Variants in DYNC2I2 observed in about 807,000 individuals in gnomAD.
DYNC2I2 encodes dynein 2 intermediate chain 2.
In DYNC2I2, 39 loss-of-function variants were observed where a neutral mutation model predicts 52.0. That is an observed-to-expected ratio of 0.75 (90% CI 0.58 to 0.98). The LOEUF (loss-of-function observed/expected upper bound fraction) is 0.98. Ranked by LOEUF, DYNC2I2 falls within the 50% of genes least tolerant of loss-of-function variation. The pLI is 0.00. For missense variants in DYNC2I2, 743 were observed against 728.4 expected, an observed-to-expected ratio of 1.02 and a Z score of -0.23; for synonymous variants, 359 against 321.1, an observed-to-expected ratio of 1.12 and a Z score of -1.26.
chr9:128,636,417 G>C lies in DYNC2I2; in HGVS notation c.567C>G (p.Ser189Arg). The change falls in exon 4 of 9, where the codon AGC (serine) becomes AGG (arginine). Residue 189 changes from serine (S) to arginine (R), a missense_variant. By Grantham distance (110) the Ser-to-Arg change is moderately radical. Coordinates refer to ENST00000372715, the MANE Select transcript of DYNC2I2 (RefSeq NM_052844.4). The stretch of plus-strand genomic sequence containing the variant: ...AGGCACACACGAAGGACTTAAGCGT[G>C]CTCCAGTCCCCATGGTCCAGCCTGT... ...AYGRLDHGDWSTLKSFVCAWN... is the reference protein window; with the variant it reads ...AYGRLDHGDWRTLKSFVCAWN... 1 of 1,607,848 alleles carries C rather than the reference G, an allele frequency of 6.2e-7. No homozygotes were observed. Among genetic ancestry groups the C allele is most frequent in the Non-Finnish European group, 8.5e-7 (1 of 1,178,672 alleles).
In DYNC2I2 at chr9:128,648,779, G is replaced by A. The variant is rs1017262667; in HGVS notation, c.186+7762C>T. ...CGTGCCACTGCACTACAGCCTGGGC[G>A]ACGGAGGGAGACTCCGTTTCAAAAA... is the stretch of plus-strand genomic sequence containing the variant. On this transcript the variant is annotated intron_variant, in intron 1 of 8. Coordinates refer to ENST00000372715, the MANE Select transcript of DYNC2I2 (RefSeq NM_052844.4). 1.3e-4 allele frequency among the ~76,000 whole-genome samples: 18 copies of A among 142,484 alleles called. No individual in the cohort carries two copies. In the South Asian group the frequency reaches 3.6e-3, roughly 28 times the overall value. 93.5% of individuals were successfully genotyped at this position (142,484 alleles called of 152,430 possible).
the DYNC2I2 span, among the ~76,000 whole-genome samples, chr9:128,677,150 T>C: frequency 6.6e-6 from 1 of 151,280 alleles, no homozygotes; most frequent in Non-Finnish European, 1.5e-5. Context: ...GCCCAGCCAG[T>C]TTTATTTTTA....
chr9:128,673,528 CGG>C, the DYNC2I2 span, among the ~76,000 whole-genome samples: 1 of 147,500 alleles, frequency 6.8e-6, no homozygotes, highest in Admixed American at 6.9e-5. Flanking sequence ...TTTTCTGAGA[CGG>C]AGTCTAGCTC....
the DYNC2I2 span, among the ~76,000 whole-genome samples, chr9:128,662,344 A>T: frequency 6.6e-6 from 1 of 152,102 alleles, no homozygotes; most frequent in Non-Finnish European, 1.5e-5. Context: ...TGCCCTACAG[A>T]TGGATACTGG....
chr9:128,637,140 A>G (rs1046135604), intron 2 of DYNC2I2, 113 bp from the exon 3 acceptor site: 4 of 677,932 alleles, frequency 5.9e-6, no homozygotes, highest in African/African-American at 5.4e-5. Flanking sequence ...CCTCAAGTCC[A>G]TCAGCCAGGC....
Position 128,633,928 on chromosome 9 carries a change from A to T in DYNC2I2, c.1427T>A (p.Ile476Asn), listed in dbSNP as rs900582031. The change falls in exon 9 of 9, where the codon ATC becomes AAC. Residue 476 changes from isoleucine (I) to asparagine (N), a missense_variant. Coordinates refer to ENST00000372715, the MANE Select transcript of DYNC2I2 (RefSeq NM_052844.4). ...AGGGCTTTCATCCTGGGTTTGCTTG[A>T]TCAAAACTGTGGGTTTCTGGGAGCT... is the stretch of plus-strand genomic sequence containing the variant. ...QKSSQKPTVL[I>N]KQTQDESPVY... is the part of the protein sequence containing the mutation. The T allele has an allele frequency of 4.5e-5, 72 of 1,613,102 alleles. No homozygotes were observed. The highest frequency in any genetic ancestry group is 5.5e-5 in the Non-Finnish European group (65 of 1,180,044).
intron 1 of DYNC2I2, among the ~76,000 whole-genome samples, chr9:128,646,397 C>T (rs776429631): frequency 6.6e-6 from 1 of 152,068 alleles, no homozygotes. Flanking sequence ...TTAATAGAGA[C>T]GGGGATTCAC....
the DYNC2I2 span, among the ~76,000 whole-genome samples, chr9:128,680,728 G>T: frequency 6.6e-6 from 1 of 151,870 alleles, no homozygotes; most frequent in Non-Finnish European, 1.5e-5. Context: ...AGTCTGGAGT[G>T]CGGTGGCGTG....
chr9:128,656,137 G>A (rs1860818359), intron 1 of DYNC2I2, among the ~76,000 whole-genome samples: 1 of 149,854 alleles, frequency 6.7e-6, no homozygotes, highest in Non-Finnish European at 1.5e-5. Context: ...CTCAGCACCG[G>A]GGGCTGAGGC....
chr9:128,658,721 ATTTT>A (rs746310535), upstream of DYNC2I2, among the ~76,000 whole-genome samples: 3 of 91,550 alleles, frequency 3.3e-5, no homozygotes, highest in Admixed American at 4.3e-4. Flanking sequence ...ACCTGACCTA[ATTTT>A]TTTTTTTTTT....
At chr9:128,662,606 G>C in the DYNC2I2 span, among the ~76,000 whole-genome samples, 1 of 151,532 alleles carries the variant, frequency 6.6e-6, no homozygotes, top group Admixed American at 6.6e-5. Flanking sequence ...TGCAGGCAGA[G>C]TCTCACTCTA....
the DYNC2I2 span, among the ~76,000 whole-genome samples, chr9:128,678,407 A>C: frequency 7.7e-6 from 1 of 130,490 alleles, no homozygotes; most frequent in East Asian, 2.4e-4. Context: ...AAAAAAACTT[A>C]ATTTTTCATT....
chr9:128,642,219 G>A (rs1302740718), intron 1 of DYNC2I2, among the ~76,000 whole-genome samples: 6 of 150,008 alleles, frequency 4.0e-5, no homozygotes, highest in Admixed American at 1.3e-4. Flanking sequence ...CCCAGGAGGC[G>A]GAGCTTGCAG....
At chr9:128,674,377 G>A in the DYNC2I2 span, among the ~76,000 whole-genome samples, 2 of 151,364 alleles carry the variant, frequency 1.3e-5, no homozygotes, top group Non-Finnish European at 3.0e-5. Context: ...CTCGTGATCC[G>A]CCTGCCTTGG....
At chr9:128,647,558 A>AC (rs944709967) in intron 1 of DYNC2I2, among the ~76,000 whole-genome samples, 15 of 151,734 alleles carry the variant, frequency 9.9e-5, no homozygotes, top group African/African-American at 2.7e-4. Flanking sequence ...ACATGGTAAA[A>AC]CCCCGTCTCT....
rs1860504174 is a variant in DYNC2I2 at position 128,640,924 on chromosome 9, C to A, written c.202G>T (p.Ala68Ser). 1.3e-6 allele frequency: 2 copies of A among 1,592,194 alleles called. No homozygotes were observed. The highest frequency in any genetic ancestry group is 1.7e-6 in the Non-Finnish European group (2 of 1,166,452). ...GATGCACTGGCAGTGGCAATGCTGG[C>A]CGTCTGGCAACTTTTCTGGGGGGAG... ...IRWETKSCQT[A>S]SIATASASAQ... The change falls in exon 2 of 9, where the codon GCC (alanine) becomes TCC (serine). Residue 68 changes from alanine to serine, a missense_variant. Transcript: ENST00000372715.
At position 128,633,930 on chromosome 9, in the gene DYNC2I2, C is replaced by G. The variant is rs200702768; in HGVS notation, c.1425G>C (p.Leu475Phe). Residue 475 changes from leucine to phenylalanine, a missense_variant, in exon 9 of 9, where the codon TTG (leucine) becomes TTC (phenylalanine). Leu to Phe is a conservative substitution (Grantham distance 22, BLOSUM62 0). Transcript: ENST00000372715. ...GGCTTTCATCCTGGGTTTGCTTGAT[C>G]AAAACTGTGGGTTTCTGGGAGCTTT... ...LQKSSQKPTV[L>F]IKQTQDESPV... 192 of 1,613,210 alleles carry G rather than the reference C, an allele frequency of 1.2e-4. 2 individuals are homozygous for G. In the South Asian group the frequency reaches 2.0e-3, roughly 17 times the overall value.
upstream of DYNC2I2, among the ~76,000 whole-genome samples, chr9:128,661,566 C>T (rs1317324591): frequency 2.6e-5 from 4 of 151,848 alleles, no homozygotes; most frequent in Non-Finnish European, 4.4e-5. Context: ...TGGAGTGAGC[C>T]GAGATTGAGC....
chr9:128,641,273 G>A (rs1860510047), intron 1 of DYNC2I2, among the ~76,000 whole-genome samples: 1 of 152,094 alleles, frequency 6.6e-6, no homozygotes, highest in African/African-American at 2.4e-5. Flanking sequence ...TTCTGAAGAT[G>A]CGGAGGGCAG....
Sources: gnomAD v4.1 joint callset for allele counts (sites outside exome capture counted in the v4.1 genomes callset) on GRCh38, gnomAD v4.1.1 for gene constraint, MANE v1.5 for transcripts, NCBI Gene and HGNC (gene_info 2026-07-23, HGNC 2026-07-21) for gene names.